The following BMPER variants were observed in gnomAD, a reference collection of about 807,000 sequenced individuals.
BMPER encodes the protein BMP-binding endothelial regulator protein.
Under a neutral mutation model 87.3 loss-of-function variants are expected in BMPER, and 45 were observed. The observed-to-expected ratio is 0.52, with a 90% confidence interval of 0.41 to 0.66. The LOEUF (loss-of-function observed/expected upper bound fraction) is 0.66. BMPER is among the 30% of genes least tolerant of loss of function. The probability of loss-of-function intolerance (pLI) is 0.00; values close to 1 mark genes in which losing one functional copy is unlikely to be tolerated. For missense variants in BMPER, 784 were observed against 867.5 expected (o/e 0.90, Z 1.21); for synonymous variants, 326 against 316.2 (o/e 1.03, Z -0.33).
At chr7:34,124,871 A>G (rs562159967) in intron 13 of BMPER, among the ~76,000 whole-genome samples, 1 of 152,230 alleles carries the variant, frequency 6.6e-6, no homozygotes, top group East Asian at 1.9e-4. Context: ...TGAAACCAGG[A>G]TTAATGTTAC....
At chr7:33,917,971 T>G (rs982283336) in intron 2 of BMPER, among the ~76,000 whole-genome samples, 144 of 152,284 alleles carry the variant, frequency 9.5e-4, no homozygotes, top group Admixed American at 9.4e-3. Context: ...TCCATTTCTT[T>G]GGGCCTCTAT....
chr7:34,155,798 A>T lies in BMPER; in HGVS notation c.*2525A>T, dbSNP rs1178494407. 1 of 152,184 alleles carries T rather than the reference A, an allele frequency of 6.6e-6. No homozygotes were observed. Among genetic ancestry groups the T allele is most frequent in the Admixed American group, 6.5e-5 (1 of 15,270 alleles). The allele number at this position is 152,184 out of a possible 1,614,324, so 9.4% of individuals were successfully genotyped here. A position where few individuals can be genotyped will look rare whatever the true frequency, so the allele number is the denominator to read the frequency against. On this transcript the variant is annotated 3_prime_UTR_variant, in exon 15 of 15. Coordinates refer to ENST00000649409, the MANE Select transcript of BMPER (RefSeq NM_001365308.1). ...AGCAGTCCTGTTTCATTCACATGGG[A>T]TGTTTTCAATTGGTTCTTCAACTAA...
chr7:34,152,889 CATTTGTTTT>C (rs1791213161), intron 14 of BMPER, among the ~76,000 whole-genome samples, 194 bp from the exon 15 acceptor site: 2 of 152,108 alleles, frequency 1.3e-5, no homozygotes, highest in African/African-American at 2.4e-5. Flanking sequence ...GATCTACCTG[CATTTGTTTT>C]TATAGATGTA....
intron 4 of BMPER, among the ~76,000 whole-genome samples, chr7:33,967,730 C>T (rs1713250277): frequency 6.6e-6 from 1 of 152,210 alleles, no homozygotes; most frequent in Non-Finnish European, 1.5e-5. Flanking sequence ...ATTTATACCA[C>T]TTCACCCATG....
At chr7:34,046,267 A>T in intron 6 of BMPER, 39 bp from the exon 7 acceptor site, 2 of 1,586,320 alleles carry the variant, frequency 1.3e-6, no homozygotes, top group Non-Finnish European at 1.7e-6. Flanking sequence ...ACATGCACTT[A>T]CTTTTCTAAA....
At chr7:34,114,519 G>C (rs910534907) in intron 13 of BMPER, among the ~76,000 whole-genome samples, 2 of 152,224 alleles carry the variant, frequency 1.3e-5, no homozygotes, top group Non-Finnish European at 2.9e-5. Context: ...CATTGGAGAT[G>C]CATGTGCAAA....
At chr7:33,944,835 G>T (rs1357125693) in intron 3 of BMPER, among the ~76,000 whole-genome samples, 1 of 152,076 alleles carries the variant, frequency 6.6e-6, no homozygotes, top group African/African-American at 2.4e-5. Flanking sequence ...ATTGTAAATT[G>T]GTCTTTACTA....
At chr7:33,964,224 A>G (rs113639867) in intron 3 of BMPER, among the ~76,000 whole-genome samples, 35 of 152,282 alleles carry the variant, frequency 2.3e-4, no homozygotes, top group African/African-American at 8.4e-4. Context: ...GTCCTTACAT[A>G]TGAAATCCAT....
chr7:34,065,199 A>ACACTCTCT (rs1298854336), intron 11 of BMPER, among the ~76,000 whole-genome samples: 2 of 94,164 alleles, frequency 2.1e-5, no homozygotes, highest in Admixed American at 1.2e-4. Flanking sequence ...ACACATACAC[A>ACACTCTCT]CTCACTCTCT....
At chr7:34,065,472 C>G (rs1428608930) in intron 11 of BMPER, among the ~76,000 whole-genome samples, 1 of 152,092 alleles carries the variant, frequency 6.6e-6, no homozygotes. Context: ...GCACAGTTAC[C>G]CCTCATTGGG....
At chr7:34,134,742 A>G (rs940300094) in intron 13 of BMPER, among the ~76,000 whole-genome samples, 1 of 152,110 alleles carries the variant, frequency 6.6e-6, no homozygotes, top group African/African-American at 2.4e-5. Flanking sequence ...TGAAGATTAT[A>G]CTCTTCACAT....
chr7:34,146,957 T>C (rs968294345), intron 14 of BMPER, among the ~76,000 whole-genome samples: 4 of 152,248 alleles, frequency 2.6e-5, no homozygotes, highest in Non-Finnish European at 4.4e-5. Flanking sequence ...AAATGTGTTG[T>C]GATCTTGTCT....
chr7:33,927,293 A>T (rs553064722), intron 2 of BMPER, among the ~76,000 whole-genome samples: 1 of 152,288 alleles, frequency 6.6e-6, no homozygotes, highest in South Asian at 2.1e-4. Flanking sequence ...GGAATGAGAG[A>T]CACCTGAGGA....
intron 2 of BMPER, chr7:33,922,112 C>T (rs556929318): frequency 3.2e-4 from 84 of 265,318 alleles, no homozygotes; most frequent in South Asian, 9.0e-4. Context: ...AAAGTCAAGC[C>T]GACCAGGCTC....
At chr7:33,917,267 G>A (rs1429201211) in intron 2 of BMPER, among the ~76,000 whole-genome samples, 2 of 152,138 alleles carry the variant, frequency 1.3e-5, no homozygotes, top group Admixed American at 6.5e-5. Context: ...CTTGACACAA[G>A]CCTTCATGTT....
At chr7:33,972,764 T>G (rs1785581995) in intron 5 of BMPER, among the ~76,000 whole-genome samples, 1 of 152,214 alleles carries the variant, frequency 6.6e-6, no homozygotes, top group South Asian at 2.1e-4. Flanking sequence ...ACCAGCCCCC[T>G]GACACCTTGG....
intron 13 of BMPER, among the ~76,000 whole-genome samples, chr7:34,129,577 G>GGAGAGA (rs759886152): frequency 0.087 from 4,172 of 47,684 alleles, 156 homozygotes; most frequent in Non-Finnish European, 0.098. Context: ...AAGGAAGGAA[G>GGAGAGA]GAGAGAGAGA....
At position 34,110,123 on chromosome 7, in the gene BMPER, G is replaced by A. The variant is rs540371515; in HGVS notation, c.1745+24031G>A. 3.3e-5 allele frequency among the ~76,000 whole-genome samples: 5 copies of A among 152,294 alleles called. No individual in the cohort carries two copies. In the South Asian group the frequency reaches 8.3e-4, roughly 25 times the overall value. On this transcript the variant is annotated intron_variant, in intron 13 of 14. Transcript: ENST00000649409. ...TGTCAAGGTTTCCGCTGGCTCTTGA[G>A]TGCAGTGGACTTTGCTGGGCGTGTA...
At chr7:34,125,561 A>G (rs998691919) in intron 13 of BMPER, among the ~76,000 whole-genome samples, 2 of 152,192 alleles carry the variant, frequency 1.3e-5, no homozygotes, top group Admixed American at 6.5e-5. Flanking sequence ...CATGCTTATG[A>G]AATGCTAGTT....
Sources: allele counts gnomAD v4.1 joint callset (sites outside exome capture counted in the v4.1 genomes callset), GRCh38; gene constraint gnomAD v4.1.1; transcripts MANE v1.5; gene names NCBI Gene and HGNC (gene_info 2026-07-23, HGNC 2026-07-21).